Variants in MAMDC2 observed in about 807,000 individuals in gnomAD.
The protein encoded by MAMDC2 is MAM domain containing 2.
Under a neutral mutation model 89.8 loss-of-function variants are expected in MAMDC2, and 57 were observed. The observed-to-expected ratio is 0.63, with a 90% confidence interval of 0.51 to 0.79. MAMDC2 has a LOEUF of 0.79. Among genes scored for constraint, MAMDC2 ranks in the 30% least tolerant of loss-of-function variants. MAMDC2 has a pLI of 0.00. For missense variants in MAMDC2, 800 were observed against 820.6 expected (o/e 0.97, Z 0.31); for synonymous variants, 313 against 293.4 (o/e 1.07, Z -0.68).
chr9:70,047,541 G>A (rs1051813592), intron 2 of MAMDC2, among the ~76,000 whole-genome samples: 2 of 152,108 alleles, frequency 1.3e-5, no homozygotes, highest in Non-Finnish European at 2.9e-5. Context: ...CTCACTCTTT[G>A]GTATTGCTGC....
At chr9:70,080,569 C>T (rs545362097) in intron 2 of MAMDC2, among the ~76,000 whole-genome samples, 4 of 152,234 alleles carry the variant, frequency 2.6e-5, no homozygotes, top group African/African-American at 7.2e-5. Flanking sequence ...GAAAAAAGTG[C>T]CTTGCTCTGC....
chr9:70,084,658 G>A (rs1827727543), intron 2 of MAMDC2, among the ~76,000 whole-genome samples: 1 of 152,024 alleles, frequency 6.6e-6, no homozygotes, highest in Non-Finnish European at 1.5e-5. Context: ...ATCTAAATGT[G>A]CTTTCAATTC....
At chr9:70,079,432 T>A (rs1827606342) in intron 2 of MAMDC2, 1 of 152,110 alleles carries the variant, frequency 6.6e-6, no homozygotes, top group Non-Finnish European at 1.5e-5. Context: ...TCCTACTGAG[T>A]GAGCCACCCA....
At position 70,067,157 on chromosome 9, in the gene MAMDC2, C is replaced by T. The variant is rs115952426; in HGVS notation, c.148+22460C>T. 6.4e-3 allele frequency among the ~76,000 whole-genome samples: 969 copies of T among 152,214 alleles called. 6 individuals carry two copies. The highest frequency in any genetic ancestry group is 0.022 in the African/African-American group (913 of 41,518). ...ATGACACTTTTGTGTTTTTCCAAGT[C>T]GGGGAAAGAGGGTTAAACCCTGTGT... is the stretch of plus-strand genomic sequence containing the variant. On this transcript the variant is annotated intron_variant, in intron 2 of 13. Transcript: ENST00000377182.
intron 5 of MAMDC2, among the ~76,000 whole-genome samples, chr9:70,116,578 T>G (rs1200496992): frequency 6.6e-6 from 1 of 152,114 alleles, no homozygotes; most frequent in Non-Finnish European, 1.5e-5. Context: ...AATATTTTAC[T>G]TTTCTCTCCT....
At chr9:70,046,229 C>T (rs1234070923) in intron 2 of MAMDC2, among the ~76,000 whole-genome samples, 1 of 152,198 alleles carries the variant, frequency 6.6e-6, no homozygotes. Flanking sequence ...CTAACAAGTT[C>T]CCAGGTGATG....
chr9:70,167,643 A>C (rs2032213023), intron 9 of MAMDC2, among the ~76,000 whole-genome samples: 1 of 152,238 alleles, frequency 6.6e-6, no homozygotes, highest in Non-Finnish European at 1.5e-5. Flanking sequence ...AAAATCTAAT[A>C]CAAATGTTTT....
intron 11 of MAMDC2, among the ~76,000 whole-genome samples, chr9:70,174,912 G>C (rs972902688): frequency 2.0e-5 from 3 of 152,056 alleles, no homozygotes; most frequent in Non-Finnish European, 4.4e-5. Flanking sequence ...TTTTAGTAGA[G>C]ACAGGGTTTT....
Position 70,168,760 on chromosome 9 carries a change from A to C in MAMDC2, c.1463A>C (p.Asp488Ala). 1 of 1,614,088 alleles carries C rather than the reference A, an allele frequency of 6.2e-7. No homozygotes were observed. The highest frequency in any genetic ancestry group is 8.5e-7 in the Non-Finnish European group (1 of 1,179,972). ...FWDCGLVALDDITIQLGSCSS... is the reference protein window; with the variant it reads ...FWDCGLVALDAITIQLGSCSS... ...GACTGTGGGCTTGTAGCCCTGGATG[A>C]CATTACAATACAATTGGGAAGCTGC... Residue 488 changes from aspartate (D) to alanine (A), a missense_variant, in exon 10 of 14, where the codon GAC becomes GCC. By Grantham distance (126) the Asp-to-Ala change is moderately radical. Coordinates refer to ENST00000377182, the MANE Select transcript of MAMDC2 (RefSeq NM_153267.5).
chr9:70,061,320 C>G (rs1040582170), intron 2 of MAMDC2, among the ~76,000 whole-genome samples: 2 of 152,206 alleles, frequency 1.3e-5, no homozygotes, highest in African/African-American at 4.8e-5. Flanking sequence ...TGCCTGACAT[C>G]ACACAGCTAG....
Position 70,118,297 on chromosome 9 carries a change from AACACACACACACACACACACACACAC to A in MAMDC2, c.643+5191_643+5216del, listed in dbSNP as rs6151026. Among the ~76,000 whole-genome samples the A allele has an allele frequency of 9.8e-3, 1,376 of 140,058 alleles. 13 individuals carry two copies. Among genetic ancestry groups the A allele is most frequent in the Non-Finnish European group, 0.015 (987 of 65,640 alleles). The allele number at this position is 140,058 out of a possible 152,430, so 91.9% of individuals were successfully genotyped here. A position where few individuals can be genotyped will look rare whatever the true frequency, so the allele number is the denominator to read the frequency against. On this transcript the variant is annotated intron_variant, in intron 5 of 13. Transcript: ENST00000377182. ...CATTCATTAGCCAACATCCCCACTC[AACACACACACACACACACACACACAC>A]ACACACACACACACACACACACACA... is the stretch of plus-strand genomic sequence containing the variant.
At chr9:70,045,844 G>C (rs1050970722) in intron 2 of MAMDC2, among the ~76,000 whole-genome samples, 1 of 152,182 alleles carries the variant, frequency 6.6e-6, no homozygotes, top group African/African-American at 2.4e-5. Context: ...GTCTAGTTAG[G>C]AAGAAACAGG....
At chr9:70,135,890 C>T (rs2030983600) in intron 7 of MAMDC2, among the ~76,000 whole-genome samples, 1 of 152,182 alleles carries the variant, frequency 6.6e-6, no homozygotes, top group Non-Finnish European at 1.5e-5. Context: ...GTAGTGCACA[C>T]CTGTAATCCC....
chr9:70,134,376 A>T (rs536536829), intron 7 of MAMDC2, among the ~76,000 whole-genome samples: 1 of 139,116 alleles, frequency 7.2e-6, no homozygotes, highest in East Asian at 2.2e-4. Flanking sequence ...CCCCTGCACA[A>T]CCACATCTGT....
At chr9:70,173,226 A>C (rs2032405494) in intron 11 of MAMDC2, among the ~76,000 whole-genome samples, 1 of 151,796 alleles carries the variant, frequency 6.6e-6, no homozygotes, top group Admixed American at 6.6e-5. Flanking sequence ...GAAAGTGAAA[A>C]CTCAGACAAA....
intron 2 of MAMDC2, among the ~76,000 whole-genome samples, chr9:70,084,518 A>C (rs1016251388): frequency 2.0e-5 from 3 of 152,036 alleles, no homozygotes; most frequent in Non-Finnish European, 2.9e-5. Flanking sequence ...AGGTATCCCC[A>C]GTGGTTCTTT....
chr9:70,185,827 G>A (rs1362645168), intron 11 of MAMDC2, among the ~76,000 whole-genome samples: 1 of 152,160 alleles, frequency 6.6e-6, no homozygotes, highest in African/African-American at 2.4e-5. Flanking sequence ...CCATGGGAGT[G>A]GGACCCACTG....
chr9:70,199,914 T>C (rs573676651), intron 11 of MAMDC2, among the ~76,000 whole-genome samples: 2 of 152,246 alleles, frequency 1.3e-5, no homozygotes, highest in East Asian at 1.9e-4. Context: ...TCTTTTCTTG[T>C]AAATTTGTTT....
rs140473871 is a variant in MAMDC2 at position 70,225,750 on chromosome 9, A to G, written c.1912A>G (p.Ile638Val). 10 of 1,574,544 alleles carry G rather than the reference A, an allele frequency of 6.4e-6. No individual in the cohort carries two copies. The East Asian group carries it at 9.0e-5, about 14-fold the overall frequency. Residue 638 changes from isoleucine to valine, a missense_variant and splice_region_variant, in exon 13 of 14, where the codon ATA becomes GTA. Transcript: ENST00000377182. ...IEYSCERQHQ[I>V]IFEAIRGVSI... Reference sequence around the variant, plus strand: ...AAATTCAAACATATTATTCTTTCAGATAATTTTTGAAGCCATTCGAGGAGT... The same window carrying G: ...AAATTCAAACATATTATTCTTTCAGGTAATTTTTGAAGCCATTCGAGGAGT...
Sources: allele counts gnomAD v4.1 joint callset (sites outside exome capture counted in the v4.1 genomes callset), GRCh38; gene constraint gnomAD v4.1.1; transcripts MANE v1.5; gene names NCBI Gene and HGNC (gene_info 2026-07-23, HGNC 2026-07-21).